ZNF804A: variants seen among roughly 807,000 people sequenced by gnomAD.
ZNF804A encodes the protein zinc finger protein 804A.
Under a neutral mutation model 16.5 loss-of-function variants are expected in ZNF804A, and 2 were observed. The observed-to-expected ratio is 0.12, with a 90% CI of 0.05 to 0.38. The LOEUF is 0.38. Among genes scored for constraint, ZNF804A ranks in the 10% least tolerant of loss-of-function variants. The probability of loss-of-function intolerance (pLI) is 0.99; values close to 1 mark genes in which losing one functional copy is unlikely to be tolerated. For missense variants in ZNF804A, 1,473 were observed against 1,390.7 expected, an observed-to-expected ratio of 1.06 and a Z score of -0.94; for synonymous variants, 534 against 489.6, an observed-to-expected ratio of 1.09 and a Z score of -1.20.
chr2:184,661,777 T>G (rs1309567092), intron 1 of ZNF804A, among the ~76,000 whole-genome samples: 1 of 152,188 alleles, frequency 6.6e-6, no homozygotes, highest in African/African-American at 2.4e-5. Context: ...CCAGTCCCTG[T>G]CTGTCTAGGA....
chr2:184,844,317 C>T (rs1695481751), intron 1 of ZNF804A, among the ~76,000 whole-genome samples: 1 of 152,058 alleles, frequency 6.6e-6, no homozygotes, highest in Admixed American at 6.6e-5. Context: ...AAATATACCA[C>T]TTAACCTTCA....
intron 2 of ZNF804A, among the ~76,000 whole-genome samples, chr2:184,897,322 T>A (rs919135673): frequency 7.9e-5 from 12 of 152,096 alleles, no homozygotes; most frequent in South Asian, 2.1e-4. Context: ...CCAGTGTTTT[T>A]TTCCCCTTTC....
At chr2:184,813,689 A>G (rs1694933328) in intron 1 of ZNF804A, among the ~76,000 whole-genome samples, 1 of 152,072 alleles carries the variant, frequency 6.6e-6, no homozygotes, top group Admixed American at 6.6e-5. Flanking sequence ...CCATCTGCCC[A>G]GGGTTTTCAA....
At chr2:184,619,289 A>T (rs1330566596) in intron 1 of ZNF804A, among the ~76,000 whole-genome samples, 2 of 152,072 alleles carry the variant, frequency 1.3e-5, no homozygotes, top group Non-Finnish European at 1.5e-5. Flanking sequence ...ACTATAATGT[A>T]GTTAGAAGCT....
chr2:184,701,037 A>T (rs1011727179), intron 1 of ZNF804A, among the ~76,000 whole-genome samples: 1 of 151,952 alleles, frequency 6.6e-6, no homozygotes, highest in African/African-American at 2.4e-5. Flanking sequence ...ATTGACCTTA[A>T]TGTGGCAAAG....
chr2:184,754,042 T>C, intron 1 of ZNF804A, among the ~76,000 whole-genome samples: 1 of 151,820 alleles, frequency 6.6e-6, no homozygotes, highest in East Asian at 1.9e-4. Flanking sequence ...ATATCTGTAT[T>C]TATGATCTGA....
intron 2 of ZNF804A, 57 bp from the exon 3 acceptor site, chr2:184,933,546 T>C: frequency 6.6e-7 from 1 of 1,510,744 alleles, no homozygotes; most frequent in Non-Finnish European, 8.8e-7. Context: ...ACAATGAAAC[T>C]TTAAAACTAC....
At chr2:184,899,608 A>G (rs1040763925) in intron 2 of ZNF804A, among the ~76,000 whole-genome samples, 3 of 152,080 alleles carry the variant, frequency 2.0e-5, no homozygotes, top group Admixed American at 1.3e-4. Flanking sequence ...AGAAAAATAT[A>G]CTTGCATATT....
At chr2:184,795,622 T>C (rs989971097) in intron 1 of ZNF804A, among the ~76,000 whole-genome samples, 25 of 151,788 alleles carry the variant, frequency 1.6e-4, no homozygotes, top group Non-Finnish European at 4.4e-5. Context: ...AAAAGATAAA[T>C]GAAACAAAAA....
At chr2:184,640,224 G>GGAGGAGGAGGAGGAGGAA (rs1691772364) in intron 1 of ZNF804A, among the ~76,000 whole-genome samples, 1 of 150,390 alleles carries the variant, frequency 6.6e-6, no homozygotes, top group Admixed American at 6.6e-5. Context: ...CGAGGAAGAA[G>GGAGGAGGAGGAGGAGGAA]GAGGAGGAGG....
At chr2:184,808,663 A>AC in intron 1 of ZNF804A, among the ~76,000 whole-genome samples, 1 of 151,232 alleles carries the variant, frequency 6.6e-6, no homozygotes, top group Non-Finnish European at 1.5e-5. Context: ...AAGACACACA[A>AC]AAAAAAACTT....
At chr2:184,653,799 G>T (rs1212490625) in intron 1 of ZNF804A, among the ~76,000 whole-genome samples, 1 of 152,192 alleles carries the variant, frequency 6.6e-6, no homozygotes, top group Admixed American at 6.5e-5. Flanking sequence ...TACTCCAGCA[G>T]TTTGGCTTTT....
chr2:184,805,580 A>C (rs912588055), intron 1 of ZNF804A, among the ~76,000 whole-genome samples: 2 of 152,032 alleles, frequency 1.3e-5, no homozygotes, highest in African/African-American at 4.8e-5. Flanking sequence ...AGGAGATCTT[A>C]GGGGGAAAAA....
chr2:184,660,821 G>A (rs1273354453), intron 1 of ZNF804A, among the ~76,000 whole-genome samples: 5 of 152,236 alleles, frequency 3.3e-5, no homozygotes, highest in African/African-American at 1.2e-4. Context: ...AAAGCATGGT[G>A]CGTTGCACCT....
At chr2:184,736,414 G>C (rs549647459) in intron 1 of ZNF804A, among the ~76,000 whole-genome samples, 9 of 152,164 alleles carry the variant, frequency 5.9e-5, no homozygotes, top group Non-Finnish European at 1.3e-4. Flanking sequence ...GGAATACTAT[G>C]CAGCCATAAA....
At chr2:184,890,120 A>C (rs1458333851) in intron 2 of ZNF804A, among the ~76,000 whole-genome samples, 1 of 152,168 alleles carries the variant, frequency 6.6e-6, no homozygotes, top group Non-Finnish European at 1.5e-5. Flanking sequence ...AGTTCCAATC[A>C]AGGAAAGTAT....
At chr2:184,822,171 A>G (rs776117515) in intron 1 of ZNF804A, among the ~76,000 whole-genome samples, 2 of 152,180 alleles carry the variant, frequency 1.3e-5, no homozygotes, top group African/African-American at 2.4e-5. Context: ...CCAAATGCCC[A>G]TCAATTGTAG....
intron 1 of ZNF804A, among the ~76,000 whole-genome samples, chr2:184,693,817 G>A (rs920683602): frequency 1.3e-5 from 2 of 150,786 alleles, no homozygotes; most frequent in South Asian, 2.1e-4. Flanking sequence ...TCAGCTTGGC[G>A]TCAGTGAACA....
Position 184,929,764 on chromosome 2 carries a change from T to C in ZNF804A, c.256-3839T>C, listed in dbSNP as rs544319688. On this transcript the variant is annotated intron_variant, in intron 2 of 3. Transcript: ENST00000302277. ...TCTTATTGTAGAAAACTTAGATTCT[T>C]GTGTTTGTACGAAGTTGTTCATGGT... is the stretch of plus-strand genomic sequence containing the variant. Among the ~76,000 whole-genome samples, 527 of 152,320 alleles carry C rather than the reference T, an allele frequency of 3.5e-3. 5 individuals are homozygous for C. Among genetic ancestry groups the C allele is most frequent in the African/African-American group, 0.012 (495 of 41,572 alleles).
Sources: gnomAD v4.1 joint callset for allele counts (sites outside exome capture counted in the v4.1 genomes callset) on GRCh38, gnomAD v4.1.1 for gene constraint, MANE v1.5 for transcripts, NCBI Gene and HGNC (gene_info 2026-07-23, HGNC 2026-07-21) for gene names.